Variants in ZBTB20 observed in about 807,000 individuals in gnomAD.
ZBTB20 encodes the protein zinc finger and BTB domain-containing protein 20.
ZBTB20 carries 9 observed loss-of-function variants against 56.9 expected under a neutral mutation model. That is an observed-to-expected ratio of 0.16 (90% CI 0.10 to 0.28). The LOEUF (loss-of-function observed/expected upper bound fraction) is 0.28, where lower values mean the gene tolerates loss of function less well. Ranked by LOEUF, ZBTB20 falls within the 10% of genes least tolerant of loss-of-function variation. ZBTB20 has a pLI of 1.00. For synonymous variants in ZBTB20, 417 were observed against 420.7 expected, an observed-to-expected ratio of 0.99 and a Z score of 0.11; for missense variants, 655 against 1,003.0, an observed-to-expected ratio of 0.65 and a Z score of 4.69.
At chr3:114,703,669 G>C (rs2063531415) in intron 5 of ZBTB20, among the ~76,000 whole-genome samples, 1 of 152,198 alleles carries the variant, frequency 6.6e-6, no homozygotes, top group Admixed American at 6.5e-5. Context: ...AAAACAGACA[G>C]TGATATGAAA....
intron 5 of ZBTB20, among the ~76,000 whole-genome samples, chr3:114,740,379 GA>G (rs2066487344): frequency 6.6e-6 from 1 of 152,194 alleles, no homozygotes. Context: ...CAGATTGTTT[GA>G]AAAATGTTTC....
intron 7 of ZBTB20, among the ~76,000 whole-genome samples, chr3:114,406,147 GCA>G (rs1335504009): frequency 1.3e-5 from 2 of 152,106 alleles, no homozygotes; most frequent in Non-Finnish European, 2.9e-5. Context: ...TGTCATTGTA[GCA>G]CAGTGACCAA....
intron 4 of ZBTB20, among the ~76,000 whole-genome samples, chr3:114,854,861 CT>C (rs1216978234): frequency 2.6e-5 from 4 of 152,302 alleles, no homozygotes; most frequent in Middle Eastern, 3.4e-3. Flanking sequence ...AATCATTTCA[CT>C]TTTTTTCTAA....
intron 5 of ZBTB20, among the ~76,000 whole-genome samples, chr3:114,700,888 T>A (rs2063350970): frequency 6.6e-6 from 1 of 152,194 alleles, no homozygotes; most frequent in Non-Finnish European, 1.5e-5. Context: ...GTTAAAATGA[T>A]CAGCTGTAGG....
At chr3:114,737,359 A>C (rs1048358918) in intron 5 of ZBTB20, among the ~76,000 whole-genome samples, 6 of 152,182 alleles carry the variant, frequency 3.9e-5, no homozygotes, top group Non-Finnish European at 8.8e-5. Context: ...CATTAAATTC[A>C]GTTAAAAACT....
chr3:114,807,868 T>C (rs79543627), intron 4 of ZBTB20, among the ~76,000 whole-genome samples: 2,673 of 152,188 alleles, frequency 0.018, 94 homozygotes, highest in African/African-American at 0.062. Flanking sequence ...GTATAATGCT[T>C]TTCTACTTTG....
intron 6 of ZBTB20, among the ~76,000 whole-genome samples, chr3:114,564,379 G>A (rs552730826): frequency 2.0e-5 from 3 of 152,242 alleles, no homozygotes; most frequent in South Asian, 4.2e-4. Context: ...TAATCTGTCT[G>A]TCACAGAGAC....
intron 7 of ZBTB20, among the ~76,000 whole-genome samples, chr3:114,494,202 G>C (rs2043038092): frequency 6.6e-6 from 1 of 152,148 alleles, no homozygotes. Flanking sequence ...CAAGAAACTA[G>C]AGTTTTTGTA....
intron 2 of ZBTB20, among the ~76,000 whole-genome samples, chr3:114,979,361 AT>A (rs1225604727): frequency 6.6e-6 from 1 of 152,070 alleles, no homozygotes; most frequent in Non-Finnish European, 1.5e-5. Flanking sequence ...ATAAATTTCA[AT>A]TAAGTAAAAG....
In ZBTB20 at chr3:114,749,960, T is replaced by C. The variant is rs144235521; in HGVS notation, c.-343+51141A>G. 3.3e-5 allele frequency among the ~76,000 whole-genome samples: 5 copies of C among 152,340 alleles called. No homozygotes were observed. In the East Asian group the frequency reaches 9.6e-4, roughly 29 times the overall value. ...GATAAAATATATTCAGCCAGGACTG[T>C]TGCTCTGTGAGTAGGTCTGGTATCC... On this transcript the variant is annotated intron_variant, in intron 5 of 11. Transcript: ENST00000675478.
chr3:114,522,735 G>A (rs890479080), intron 6 of ZBTB20, among the ~76,000 whole-genome samples: 2 of 152,138 alleles, frequency 1.3e-5, no homozygotes, highest in East Asian at 3.9e-4. Context: ...GGGTTTGTGA[G>A]AGAAATACAG....
intron 6 of ZBTB20, among the ~76,000 whole-genome samples, chr3:114,623,958 G>A (rs1048528885): frequency 5.9e-5 from 9 of 152,120 alleles, no homozygotes; most frequent in Admixed American, 3.3e-4. Context: ...AGTTGTGCCC[G>A]CTAAAAATCT....
intron 7 of ZBTB20, among the ~76,000 whole-genome samples, chr3:114,491,816 C>G (rs1417595262): frequency 2.0e-5 from 3 of 152,190 alleles, no homozygotes; most frequent in African/African-American, 7.2e-5. Context: ...AGCAAAACTT[C>G]TGAGTGGCCC....
chr3:115,107,637 T>C (rs1472093081), intron 1 of ZBTB20, among the ~76,000 whole-genome samples: 2 of 152,134 alleles, frequency 1.3e-5, no homozygotes, highest in African/African-American at 4.8e-5. Flanking sequence ...ACAATCCCAT[T>C]ACTGGGTATA....
chr3:114,635,298 T>G (rs1405040074), intron 6 of ZBTB20, among the ~76,000 whole-genome samples: 1 of 152,148 alleles, frequency 6.6e-6, no homozygotes, highest in African/African-American at 2.4e-5. Context: ...TGTCTCTATC[T>G]TGTCTCATAT....
intron 7 of ZBTB20, among the ~76,000 whole-genome samples, chr3:114,414,952 C>A (rs367798923): frequency 6.6e-6 from 1 of 151,716 alleles, no homozygotes; most frequent in Non-Finnish European, 1.5e-5. Context: ...GCCGCCCCCC[C>A]GCACCCACCC....
chr3:114,589,272 C>T (rs1035366832), intron 6 of ZBTB20, among the ~76,000 whole-genome samples: 2 of 152,192 alleles, frequency 1.3e-5, no homozygotes, highest in Admixed American at 1.3e-4. Flanking sequence ...CATTTAATGA[C>T]AACCCTTGTG....
At chr3:114,984,972 T>C (rs563135273) in intron 2 of ZBTB20, among the ~76,000 whole-genome samples, 9 of 152,158 alleles carry the variant, frequency 5.9e-5, no homozygotes, top group African/African-American at 1.9e-4. Flanking sequence ...CATTTCATGA[T>C]GGCTTCCCCT....
chr3:114,505,075 T>C (rs1419490507), intron 6 of ZBTB20, among the ~76,000 whole-genome samples: 2 of 152,178 alleles, frequency 1.3e-5, no homozygotes, highest in Non-Finnish European at 2.9e-5. Flanking sequence ...TCTAAATATT[T>C]CACAGTGGTA....
Sources: allele counts gnomAD v4.1 joint callset (sites outside exome capture counted in the v4.1 genomes callset), GRCh38; gene constraint gnomAD v4.1.1; transcripts MANE v1.5; gene names NCBI Gene and HGNC (gene_info 2026-07-23, HGNC 2026-07-21).